TENM3: variants seen among roughly 807,000 people sequenced by gnomAD.
TENM3 encodes teneurin transmembrane protein 3, also known as teneurin-3.
A neutral mutation model predicts 255.1 loss-of-function variants in TENM3; 63 were observed. The observed-to-expected ratio is 0.25, with a 90% CI of 0.20 to 0.30. The LOEUF (loss-of-function observed/expected upper bound fraction) is 0.30. TENM3 is among the 10% of genes least tolerant of loss of function. TENM3 has a pLI of 1.00. For missense variants in TENM3, 2,929 were observed against 3,461.1 expected (o/e 0.85, Z 3.86); for synonymous variants, 1,306 against 1,322.3 (o/e 0.99, Z 0.27).
At chr4:182,144,202 G>GCACACACA (rs3833623), upstream of TENM3, 6 of 148,606 alleles carry the variant, frequency 4.0e-5, no homozygotes, top group East Asian at 1.3e-3. Context: ...GCACACTCCC[G>GCACACACA]CACACACACA....
chr4:181,574,765 A>G, the TENM3 span, among the ~76,000 whole-genome samples: 21 of 152,182 alleles, frequency 1.4e-4, no homozygotes, highest in Non-Finnish European at 1.6e-4. Context: ...AGAACTGGAG[A>G]GGGCTAACTT....
At position 182,673,593 on chromosome 4, in the gene TENM3, C is replaced by G. The variant is rs138610260; in HGVS notation, c.1326+374C>G. 4.6e-5 allele frequency among the ~76,000 whole-genome samples: 7 copies of G among 152,284 alleles called. No homozygotes were observed. In the East Asian group the frequency reaches 1.4e-3, roughly 29 times the overall value. On this transcript the variant is annotated intron_variant, in intron 7 of 27. Coordinates refer to ENST00000511685, the MANE Select transcript of TENM3 (RefSeq NM_001080477.4). ...AGATGCATAACATATTCATCTCTAA[C>G]ACGTATTCATTCTGTTGAAAATGTA...
At chr4:181,972,592 AT>A in the TENM3 span, among the ~76,000 whole-genome samples, 11 of 152,180 alleles carry the variant, frequency 7.2e-5, no homozygotes, top group Non-Finnish European at 5.9e-5. Flanking sequence ...ACTCTTAGCA[AT>A]GAACTCCAGT....
the TENM3 span, among the ~76,000 whole-genome samples, chr4:181,715,787 T>C: frequency 6.6e-6 from 1 of 152,200 alleles, no homozygotes; most frequent in Admixed American, 6.5e-5. Context: ...CCAACTCTAT[T>C]GATGGCGCTG....
the TENM3 span, among the ~76,000 whole-genome samples, chr4:181,952,326 G>C: frequency 6.6e-6 from 1 of 152,248 alleles, no homozygotes; most frequent in African/African-American, 2.4e-5. Flanking sequence ...TTCCATTTTA[G>C]GTAGACCTGG....
In TENM3 at chr4:182,626,862, C is replaced by T. The variant is rs141741228; in HGVS notation, c.750-1789C>T. Among the ~76,000 whole-genome samples the T allele has an allele frequency of 9.2e-5, 14 of 152,220 alleles. No homozygotes were observed. The East Asian group carries it at 2.5e-3, about 27-fold the overall frequency. On this transcript the variant is annotated intron_variant, in intron 4 of 27. Coordinates refer to ENST00000511685, the MANE Select transcript of TENM3 (RefSeq NM_001080477.4). ...TTTTTAGAGACATTAGCTCTAGTCT[C>T]TAAAAGCTCTAGTTTTGCAACCCTG...
At chr4:181,736,254 C>A in the TENM3 span, among the ~76,000 whole-genome samples, 1 of 152,102 alleles carries the variant, frequency 6.6e-6, no homozygotes, top group African/African-American at 2.4e-5. Flanking sequence ...GGCGAGACGG[C>A]GCCATTGCAC....
At chr4:182,646,197 T>C (rs1752725625) in intron 5 of TENM3, among the ~76,000 whole-genome samples, 1 of 152,218 alleles carries the variant, frequency 6.6e-6, no homozygotes, top group African/African-American at 2.4e-5. Context: ...AGCAAAGTTA[T>C]AAGGCTTCAG....
At chr4:181,699,995 T>C in the TENM3 span, among the ~76,000 whole-genome samples, 1 of 152,188 alleles carries the variant, frequency 6.6e-6, no homozygotes, top group Non-Finnish European at 1.5e-5. Context: ...TGGCAAATTC[T>C]CTATGAAGAT....
chr4:181,849,370 C>T, the TENM3 span, among the ~76,000 whole-genome samples: 4 of 152,116 alleles, frequency 2.6e-5, no homozygotes, highest in Non-Finnish European at 5.9e-5. Flanking sequence ...AACTAATAAA[C>T]GTGTGCAAGC....
At chr4:181,745,104 A>G in the TENM3 span, among the ~76,000 whole-genome samples, 1 of 152,188 alleles carries the variant, frequency 6.6e-6, no homozygotes. Flanking sequence ...GGGTTTAAAC[A>G]TGGACACCCC....
chr4:181,658,004 G>A, the TENM3 span, among the ~76,000 whole-genome samples: 1 of 152,022 alleles, frequency 6.6e-6, no homozygotes, highest in African/African-American at 2.4e-5. Flanking sequence ...AGGAAGGGAG[G>A]GAAGAGACAA....
chr4:181,987,755 T>C, the TENM3 span, among the ~76,000 whole-genome samples: 2 of 152,098 alleles, frequency 1.3e-5, no homozygotes, highest in African/African-American at 4.8e-5. Context: ...ATAGACTCAG[T>C]GCTGAACAAA....
the TENM3 span, among the ~76,000 whole-genome samples, chr4:181,554,820 A>G: frequency 6.6e-6 from 1 of 152,220 alleles, no homozygotes; most frequent in Non-Finnish European, 1.5e-5. Context: ...CTTTAAAGAA[A>G]GGACTTAAAT....
rs1304104637 is a variant in TENM3 at position 182,714,179 on chromosome 4, G to T, written c.2314G>T (p.Gly772Cys). Residue 772 changes from glycine (G) to cysteine (C), a missense_variant, in exon 13 of 28, where the codon GGC becomes TGC. Around this residue, in one of 6 missense-constraint regions of TENM3, gnomAD observed 1,608 missense variants for 1,884.4 expected, o/e 0.85. Transcript: ENST00000511685. ...GTGCCAGCCTGGATGGAGAGGAGCA[G>T]GCTGTGACGTAGCCATGGAGACTCT... ...CVCQPGWRGAGCDVAMETLCT... is the reference protein window; with the variant it reads ...CVCQPGWRGACCDVAMETLCT... 1.2e-6 allele frequency: 2 copies of T among 1,613,930 alleles called. No individual in the cohort carries two copies. Among genetic ancestry groups the T allele is most frequent in the Non-Finnish European group, 1.7e-6 (2 of 1,179,874 alleles).
intron 6 of TENM3, among the ~76,000 whole-genome samples, chr4:182,659,259 G>T (rs972543640): frequency 6.6e-6 from 1 of 151,982 alleles, no homozygotes; most frequent in African/African-American, 2.4e-5. Flanking sequence ...CCACAGTTTT[G>T]CTTTTTGTGG....
the TENM3 span, among the ~76,000 whole-genome samples, chr4:181,662,312 T>G: frequency 1.3e-5 from 2 of 152,226 alleles, no homozygotes; most frequent in African/African-American, 4.8e-5. Context: ...ACAGTACAAA[T>G]GGGCTAAAAT....
At chr4:181,552,896 G>A in the TENM3 span, among the ~76,000 whole-genome samples, 1 of 152,252 alleles carries the variant, frequency 6.6e-6, no homozygotes, top group Non-Finnish European at 1.5e-5. Flanking sequence ...CATGATTTAG[G>A]GAGTTCCATG....
the TENM3 span, among the ~76,000 whole-genome samples, chr4:181,702,988 C>T: frequency 1.5e-4 from 23 of 152,308 alleles, no homozygotes; most frequent in African/African-American, 5.1e-4. Context: ...TATTAACTCA[C>T]TGAATCCTTG....
Sources: gnomAD v4.1 joint callset for allele counts (sites outside exome capture counted in the v4.1 genomes callset) on GRCh38, gnomAD v4.1.1 for gene constraint, gnomAD v4.1.1 regional missense constraint, MANE v1.5 for transcripts, NCBI Gene and HGNC (gene_info 2026-07-23, HGNC 2026-07-21) for gene names.